Variants in C2CD4C observed in about 807,000 individuals in gnomAD.
The protein encoded by C2CD4C is C2 calcium dependent domain containing 4C.
In C2CD4C, 3 loss-of-function variants were observed where a neutral mutation model predicts 4.1. The ratio of observed to expected loss-of-function variants is 0.73; its 90% CI spans 0.33 to 1.88. The LOEUF (loss-of-function observed/expected upper bound fraction) is 1.88. Ranked by LOEUF, C2CD4C falls within the 40% of genes most tolerant of loss-of-function variation. The pLI is 0.08. For missense variants in C2CD4C, 664 were observed against 621.5 expected (o/e 1.07, Z -0.73); for synonymous variants, 364 against 290.4 (o/e 1.25, Z -2.57).
rs537697061 is a variant in C2CD4C at position 407,073 on chromosome 19, C to T, written c.*23G>A. On this transcript the variant is annotated 3_prime_UTR_variant, in exon 2 of 2. Coordinates refer to ENST00000332235, the MANE Select transcript of C2CD4C (RefSeq NM_001136263.2). ...CCGGGGTCTGCCCTCTGCACCCGAG[C>T]GGACAGCGAGCAGGTCCCCGCTCTA... 13 of 1,525,436 alleles carry T rather than the reference C, an allele frequency of 8.5e-6. No individual in the cohort carries two copies. The highest frequency in any genetic ancestry group is 1.7e-4 in the Middle Eastern group (1 of 5,754). 94.5% of individuals were successfully genotyped at this position (1,525,436 alleles called of 1,614,324 possible).
rs7252178 is a variant in C2CD4C, at chr19:408,200, G to C, written c.162C>G (p.Pro54=). 7,400 of 1,459,566 alleles carry C rather than the reference G, an allele frequency of 5.1e-3. 337 individuals carry two copies. The African/African-American group carries it at 0.096, about 19-fold the overall frequency. 90.4% of individuals were successfully genotyped at this position (1,459,566 alleles called of 1,614,324 possible). The change falls in exon 2 of 2, where the codon CCC becomes CCG. Residue 54 remains proline, a synonymous_variant. Coordinates refer to ENST00000332235, the MANE Select transcript of C2CD4C (RefSeq NM_001136263.2). ...PDKIPDFFIP[P]KLPSGPAEGE... Reference sequence around the variant, plus strand: ...CCTCCGCGGGGCCCGAGGGCAGCTTGGGGGGGATGAAAAAGTCGGGGATCT... The same window carrying C: ...CCTCCGCGGGGCCCGAGGGCAGCTTCGGGGGGATGAAAAAGTCGGGGATCT...
In C2CD4C at chr19:408,386, A is replaced by G. The variant is rs1162996610; in HGVS notation, c.-25T>C. On this transcript the variant is annotated 5_prime_UTR_variant, in exon 2 of 2. Coordinates refer to ENST00000332235, the MANE Select transcript of C2CD4C (RefSeq NM_001136263.2). Reference sequence around the variant, plus strand: ...TGGGGGCGGCAGGCAAGAGGCCCGGACAGGGGCTGCAGCGTCTGGGAAGAG... The same window carrying G: ...TGGGGGCGGCAGGCAAGAGGCCCGGGCAGGGGCTGCAGCGTCTGGGAAGAG... The G allele has an allele frequency of 3.3e-6, 5 of 1,538,086 alleles. No individual in the cohort carries two copies. Among genetic ancestry groups the G allele is most frequent in the Non-Finnish European group, 1.8e-6 (2 of 1,141,540 alleles).
At chr19:408,820 G>A (rs1360032269) in intron 1 of C2CD4C, among the ~76,000 whole-genome samples, 186 bp downstream of exon 1, 1 of 152,122 alleles carries the variant, frequency 6.6e-6, no homozygotes, top group African/African-American at 2.4e-5. Context: ...CCCACCTGTG[G>A]CTCCTCCCTG....
intron 1 of C2CD4C, among the ~76,000 whole-genome samples, chr19:408,670 G>A (rs114131145): frequency 0.01 from 1,573 of 152,322 alleles, 22 homozygotes; most frequent in African/African-American, 0.035. Flanking sequence ...GCTCCCAGAG[G>A]AGACTGGCCC....
Position 407,575 on chromosome 19 carries a change from G to C in C2CD4C, c.787C>G (p.Leu263Val). ...TCCGGGGTGCTGTCGTCCGCAGACA[G>C]GGAGCCGTGGCGGCCCACGGAGTGC... is the stretch of plus-strand genomic sequence containing the variant. ...LRHSVGRHGS[L>V]SADDSTPDAS... Residue 263 changes from leucine to valine, a missense_variant, in exon 2 of 2, where the codon CTG (leucine) becomes GTG (valine). Coordinates refer to ENST00000332235, the MANE Select transcript of C2CD4C (RefSeq NM_001136263.2). The C allele has an allele frequency of 3.5e-6, 5 of 1,423,760 alleles. No individual in the cohort carries two copies. The highest frequency in any genetic ancestry group is 4.6e-6 in the Non-Finnish European group (5 of 1,088,216). The allele number at this position is 1,423,760 out of a possible 1,614,324, so 88.2% of individuals were successfully genotyped here.
Position 407,468 on chromosome 19 carries a change from C to T in C2CD4C, c.894G>A (p.Glu298=), listed in dbSNP as rs1357286712. Residue 298 remains glutamate (E), a synonymous_variant, in exon 2 of 2, where the codon GAG becomes GAA. Transcript: ENST00000332235. ...PGPESGQARG[E]HTVHVGPRGS... ...CCCGAGGGCCCACGTGGACCGTGTGCTCCCCACGCGCCTGGCCCGACTCGG... is the reference window on the plus strand; with the variant it reads ...CCCGAGGGCCCACGTGGACCGTGTGTTCCCCACGCGCCTGGCCCGACTCGG... 1.4e-6 allele frequency: 2 copies of T among 1,418,108 alleles called. No individual in the cohort carries two copies. The highest frequency in any genetic ancestry group is 3.1e-5 in the Admixed American group (1 of 32,426). 87.8% of individuals were successfully genotyped at this position (1,418,108 alleles called of 1,614,324 possible). A position where few individuals can be genotyped will look rare whatever the true frequency, so the allele number is the denominator to read the frequency against.
At position 407,899 on chromosome 19, in the gene C2CD4C, C is replaced by T. The variant is rs1311352727; in HGVS notation, c.463G>A (p.Glu155Lys). 1.3e-6 allele frequency: 2 copies of T among 1,549,246 alleles called. No homozygotes were observed. The highest frequency in any genetic ancestry group is 8.7e-7 in the Non-Finnish European group (1 of 1,146,440). Residue 155 changes from glutamate to lysine, a missense_variant, in exon 2 of 2, where the codon GAG becomes AAG. Coordinates refer to ENST00000332235, the MANE Select transcript of C2CD4C (RefSeq NM_001136263.2). The stretch of plus-strand genomic sequence containing the variant: ...TCCTTGCGCCTCGTGTGGGGGCTCT[C>T]AGCCAGCATGGCGAAGCCGTAGGAC... Reference protein sequence around the residue: ...QTSYGFAMLAESPHTRRKESL... With the variant: ...QTSYGFAMLAKSPHTRRKESL...
chr19:407,920 A>G lies in C2CD4C; in HGVS notation c.442T>C (p.Tyr148His). ...LPSVPKAQTSYGFAMLAESPH... is the reference protein window; with the variant it reads ...LPSVPKAQTSHGFAMLAESPH... The stretch of plus-strand genomic sequence containing the variant: ...CTCTCAGCCAGCATGGCGAAGCCGT[A>G]GGACGTCTGGGCCTTGGGCACCGAG... The change falls in exon 2 of 2, where the codon TAC becomes CAC. Residue 148 changes from tyrosine to histidine, a missense_variant. Physicochemically the swap from Tyr to His is moderately conservative, Grantham distance 83 (BLOSUM62 2). Coordinates refer to ENST00000332235, the MANE Select transcript of C2CD4C (RefSeq NM_001136263.2). 6.5e-7 allele frequency: 1 copy of G among 1,548,984 alleles called. No individual in the cohort carries two copies. The highest frequency in any genetic ancestry group is 8.7e-7 in the Non-Finnish European group (1 of 1,146,396).
chr19:408,157 G>T lies in C2CD4C; in HGVS notation c.205C>A (p.Leu69Met), dbSNP rs200204713. 3.1e-3 allele frequency: 4,477 copies of T among 1,453,532 alleles called. 3 individuals are homozygous for T. Among genetic ancestry groups the T allele is most frequent in the Non-Finnish European group, 3.8e-3 (4,161 of 1,102,662 alleles). The allele number at this position is 1,453,532 out of a possible 1,614,324, so 90.0% of individuals were successfully genotyped here. ...GPAEGEGQAA[L>M]GPSTSEQNLA... ...TTCTGTTCCGACGTGGAGGGGCCCAGCGCGGCCTGTCCCTCGCCCTCCGCG... is the reference window on the plus strand; with the variant it reads ...TTCTGTTCCGACGTGGAGGGGCCCATCGCGGCCTGTCCCTCGCCCTCCGCG... The change falls in exon 2 of 2, where the codon CTG becomes ATG. Residue 69 changes from leucine (L) to methionine (M), a missense_variant. Leu to Met is a conservative substitution (Grantham distance 15). Coordinates refer to ENST00000332235, the MANE Select transcript of C2CD4C (RefSeq NM_001136263.2).
chr19:408,717 G>C (rs1412313968), intron 1 of C2CD4C, among the ~76,000 whole-genome samples: 1 of 152,198 alleles, frequency 6.6e-6, no homozygotes. Context: ...GCATCTCAGC[G>C]CTCATTCCAA....
In C2CD4C at chr19:406,894, G is replaced by T. The variant is rs1973999013; in HGVS notation, c.*202C>A. 1.8e-6 allele frequency: 1 copy of T among 542,842 alleles called. No homozygotes were observed. The allele number at this position is 542,842 out of a possible 1,614,324, so 33.6% of individuals were successfully genotyped here. Reference sequence around the variant, plus strand: ...TCCTCCAAAGGAGAAATTAATTCATGAAAAATAATACTCCAGTCAGCATCG... The same window carrying T: ...TCCTCCAAAGGAGAAATTAATTCATTAAAAATAATACTCCAGTCAGCATCG... On this transcript the variant is annotated 3_prime_UTR_variant, in exon 2 of 2. Coordinates refer to ENST00000332235, the MANE Select transcript of C2CD4C (RefSeq NM_001136263.2).
chr19:407,022 C>A lies in C2CD4C; in HGVS notation c.*74G>T. 6 of 1,393,784 alleles carry A rather than the reference C, an allele frequency of 4.3e-6. No homozygotes were observed. The highest frequency in any genetic ancestry group is 5.7e-6 in the Non-Finnish European group (6 of 1,053,508). The allele number at this position is 1,393,784 out of a possible 1,614,324, so 86.3% of individuals were successfully genotyped here. On this transcript the variant is annotated 3_prime_UTR_variant, in exon 2 of 2. Transcript: ENST00000332235. ...CCCAGCCCAAGCCAGCGGACCCGCCCGCCAGCACCCGGTGTGGAGGAGAGA... is the reference window on the plus strand; with the variant it reads ...CCCAGCCCAAGCCAGCGGACCCGCCAGCCAGCACCCGGTGTGGAGGAGAGA...
In C2CD4C at chr19:407,261, G is replaced by C. The variant is rs377731812; in HGVS notation, c.1101C>G (p.Arg367=). Residue 367 remains arginine, a synonymous_variant, in exon 2 of 2, where the codon CGC becomes CGG. Transcript: ENST00000332235. ...KQRSTIVKNS[R]RPVFNEDFFF... ...AGAAATCCTCGTTGAAGACGGGGCG[G>C]CGGCTGTTCTTCACGATGGTGCTGC... is the stretch of plus-strand genomic sequence containing the variant. The C allele has an allele frequency of 6.5e-7, 1 of 1,550,248 alleles. No homozygotes were observed. Among genetic ancestry groups the C allele is most frequent in the Non-Finnish European group, 8.7e-7 (1 of 1,146,882 alleles).
chr19:407,320 G>GGCCCAC lies in C2CD4C; in HGVS notation c.1036_1041dup (p.Val346_Gly347dup). The GGCCCAC allele has an allele frequency of 1.9e-6, 3 of 1,549,390 alleles. No homozygotes were observed. The highest frequency in any genetic ancestry group is 2.6e-6 in the Non-Finnish European group (3 of 1,146,792). ...TGCAGCTTGCCCGGCACCAGGCACA[G>GGCCCAC]GCCCACGCAGCAGTTGATGCTGCGG... On this transcript the variant is annotated inframe_insertion, in exon 2 of 2. Transcript: ENST00000332235.
In C2CD4C at chr19:407,675, G is replaced by A; in HGVS notation, c.687C>T (p.Ser229=). ...GAGACACGGAGCGGGACAGCAGAGG[G>A]GACCCGAAGGGGGAGGACTCGGCCG... ...GSSAESSPFG[S]PLLSRSVSLL... The change falls in exon 2 of 2, where the codon TCC becomes TCT. Residue 229 remains serine, a synonymous_variant. Transcript: ENST00000332235. The A allele has an allele frequency of 1.3e-6, 2 of 1,531,444 alleles. No individual in the cohort carries two copies. Among genetic ancestry groups the A allele is most frequent in the East Asian group, 2.5e-5 (1 of 40,356 alleles). The allele number at this position is 1,531,444 out of a possible 1,614,324, so 94.9% of individuals were successfully genotyped here.
rs149668702 is a variant in C2CD4C, at chr19:406,709, C to T, written c.*387G>A. 156 of 193,806 alleles carry T rather than the reference C, an allele frequency of 8.0e-4. No homozygotes were observed. Among genetic ancestry groups the T allele is most frequent in the African/African-American group, 3.5e-3 (150 of 42,506 alleles). 12.0% of individuals were successfully genotyped at this position (193,806 alleles called of 1,614,324 possible). A position where few individuals can be genotyped will look rare whatever the true frequency, so the allele number is the denominator to read the frequency against. On this transcript the variant is annotated 3_prime_UTR_variant, in exon 2 of 2. Coordinates refer to ENST00000332235, the MANE Select transcript of C2CD4C (RefSeq NM_001136263.2). ...AGACTTGTCACCTCCCTGTCCACGGCCCCGCCCTGGCCACATGCACGGATT... is the reference window on the plus strand; with the variant it reads ...AGACTTGTCACCTCCCTGTCCACGGTCCCGCCCTGGCCACATGCACGGATT...
rs958931591 is a variant in C2CD4C at position 408,185 on chromosome 19, G to A, written c.177C>T (p.Gly59=). Residue 59 remains glycine (G), a synonymous_variant, in exon 2 of 2, where the codon GGC becomes GGT. Transcript: ENST00000332235. ...DFFIPPKLPS[G]PAEGEGQAAL... ...CGGCCTGTCCCTCGCCCTCCGCGGG[G>A]CCCGAGGGCAGCTTGGGGGGGATGA... The A allele has an allele frequency of 1.3e-5, 19 of 1,452,658 alleles. No individual in the cohort carries two copies. The African/African-American group carries it at 2.2e-4, about 17-fold the overall frequency. 90.0% of individuals were successfully genotyped at this position (1,452,658 alleles called of 1,614,324 possible).
In C2CD4C at chr19:408,184, G is replaced by A. The variant is rs866466711; in HGVS notation, c.178C>T (p.Pro60Ser). The A allele has an allele frequency of 6.9e-7, 1 of 1,451,960 alleles. No individual in the cohort carries two copies. Among genetic ancestry groups the A allele is most frequent in the South Asian group, 1.5e-5 (1 of 68,432 alleles). 89.9% of individuals were successfully genotyped at this position (1,451,960 alleles called of 1,614,324 possible). A position where few individuals can be genotyped will look rare whatever the true frequency, so the allele number is the denominator to read the frequency against. ...FFIPPKLPSG[P>S]AEGEGQAALG... ...GCGGCCTGTCCCTCGCCCTCCGCGG[G>A]GCCCGAGGGCAGCTTGGGGGGGATG... is the stretch of plus-strand genomic sequence containing the variant. The change falls in exon 2 of 2, where the codon CCC becomes TCC. Residue 60 changes from proline (P) to serine (S), a missense_variant. Physicochemically the swap from Pro to Ser is moderately conservative, Grantham distance 74. Coordinates refer to ENST00000332235, the MANE Select transcript of C2CD4C (RefSeq NM_001136263.2).
Position 407,023 on chromosome 19 carries a change from G to T in C2CD4C, c.*73C>A. 1 of 763,366 alleles carries T rather than the reference G, an allele frequency of 1.3e-6. No individual in the cohort carries two copies. The highest frequency in any genetic ancestry group is 1.9e-6 in the Non-Finnish European group (1 of 533,508). The allele number at this position is 763,366 out of a possible 1,614,324, so 47.3% of individuals were successfully genotyped here. On this transcript the variant is annotated 3_prime_UTR_variant, in exon 2 of 2. Transcript: ENST00000332235. ...CCAGCCCAAGCCAGCGGACCCGCCC[G>T]CCAGCACCCGGTGTGGAGGAGAGAC...
Sources: gnomAD v4.1 joint callset for allele counts (sites outside exome capture counted in the v4.1 genomes callset) on GRCh38, gnomAD v4.1.1 for gene constraint, MANE v1.5 for transcripts, NCBI Gene and HGNC (gene_info 2026-07-23, HGNC 2026-07-21) for gene names.